The following CACNG4 variants were observed in gnomAD, a reference collection of about 807,000 sequenced individuals.
The protein encoded by CACNG4 is calcium voltage-gated channel auxiliary subunit gamma 4.
In CACNG4, 8 loss-of-function variants were observed where a neutral mutation model predicts 22.9. That is an observed-to-expected ratio of 0.35 (90% CI 0.21 to 0.63). The LOEUF (loss-of-function observed/expected upper bound fraction) is 0.63. CACNG4 is among the 30% of genes least tolerant of loss of function. The pLI, the probability that CACNG4 is intolerant of heterozygous loss-of-function variation, is 0.72. For missense variants in CACNG4, 357 were observed against 455.4 expected, an observed-to-expected ratio of 0.78 and a Z score of 1.97; for synonymous variants, 188 against 191.9, an observed-to-expected ratio of 0.98 and a Z score of 0.17.
intron 1 of CACNG4, among the ~76,000 whole-genome samples, chr17:66,965,486 G>C (rs2143262501): frequency 6.6e-6 from 1 of 150,958 alleles, no homozygotes; most frequent in East Asian, 2.0e-4. Context: ...CGATCCCCAG[G>C]GGCCGCGCCG....
chr17:66,995,802 A>G (rs2035370410), intron 1 of CACNG4, among the ~76,000 whole-genome samples: 1 of 152,054 alleles, frequency 6.6e-6, no homozygotes, highest in Non-Finnish European at 1.5e-5. Flanking sequence ...GTGAGCCAAG[A>G]TCGTGCCACT....
intron 1 of CACNG4, among the ~76,000 whole-genome samples, chr17:66,980,620 C>CT (rs67051865): frequency 0.02 from 2,123 of 106,974 alleles, 64 homozygotes; most frequent in South Asian, 0.061. Context: ...TGTGTAAATT[C>CT]TTTTTTTTTT....
chr17:67,017,386 G>T (rs1439870981), intron 1 of CACNG4, among the ~76,000 whole-genome samples: 1 of 151,864 alleles, frequency 6.6e-6, no homozygotes, highest in Non-Finnish European at 1.5e-5. Flanking sequence ...CATAACTATG[G>T]TTTAAGAGAG....
intron 1 of CACNG4, among the ~76,000 whole-genome samples, chr17:67,009,009 GA>G (rs939952641): frequency 6.6e-6 from 1 of 152,120 alleles, no homozygotes; most frequent in Non-Finnish European, 1.5e-5. Context: ...GGGCCCTTAT[GA>G]AAAGGGGAAC....
chr17:67,003,015 A>G (rs1476354372), intron 1 of CACNG4, among the ~76,000 whole-genome samples: 1 of 152,046 alleles, frequency 6.6e-6, no homozygotes, highest in Non-Finnish European at 1.5e-5. Flanking sequence ...TTATGGGTAT[A>G]TGTGGACAAG....
intron 1 of CACNG4, among the ~76,000 whole-genome samples, chr17:66,965,995 GGCGTGGTCATCTCGTCGGAGCTGGGCGCT>G (rs1314026422): frequency 6.6e-6 from 1 of 152,190 alleles, no homozygotes; most frequent in Non-Finnish European, 1.5e-5. Flanking sequence ...GACTGGGAGG[GGCGTGGTCATCTCGTCGGAGCTGGGCGCT>G]GCGACCCCCA....
chr17:67,013,082 C>T (rs531185855), intron 1 of CACNG4, among the ~76,000 whole-genome samples: 3 of 152,260 alleles, frequency 2.0e-5, no homozygotes, highest in Non-Finnish European at 2.9e-5. Flanking sequence ...CAGCTCACCC[C>T]GTTTGCCTGG....
intron 3 of CACNG4, among the ~76,000 whole-genome samples, chr17:67,025,545 C>T (rs1179537973): frequency 3.9e-5 from 6 of 152,316 alleles, no homozygotes; most frequent in South Asian, 2.1e-4. Context: ...GAAGAGTGAG[C>T]GGGGAAGCTC....
At chr17:67,004,751 C>T (rs2143331565) in intron 1 of CACNG4, among the ~76,000 whole-genome samples, 1 of 152,248 alleles carries the variant, frequency 6.6e-6, no homozygotes, top group African/African-American at 2.4e-5. Context: ...AAGACAGGGT[C>T]TCAGTCCTGT....
At chr17:67,017,823 T>C (rs2035508790) in intron 1 of CACNG4, among the ~76,000 whole-genome samples, 1 of 152,108 alleles carries the variant, frequency 6.6e-6, no homozygotes, top group Non-Finnish European at 1.5e-5. Flanking sequence ...GCCTGTTTTT[T>C]ATTTTTTTCA....
intron 1 of CACNG4, among the ~76,000 whole-genome samples, chr17:66,993,019 T>C (rs2035350832): frequency 6.6e-6 from 1 of 152,354 alleles, no homozygotes; most frequent in Admixed American, 6.5e-5. Flanking sequence ...GCGCTGTGTC[T>C]ACAGCAGCTG....
intron 1 of CACNG4, among the ~76,000 whole-genome samples, chr17:66,982,421 C>T (rs1277661920): frequency 6.6e-6 from 1 of 151,922 alleles, no homozygotes; most frequent in East Asian, 1.9e-4. Context: ...TACCAATTGG[C>T]GCATTTTACA....
At position 67,030,797 on chromosome 17, in the gene CACNG4, G is replaced by T. The variant is rs375384748; in HGVS notation, c.777G>T (p.Ser259=). 1 of 1,614,018 alleles carries T rather than the reference G, an allele frequency of 6.2e-7. No homozygotes were observed. The highest frequency in any genetic ancestry group is 1.1e-5 in the South Asian group (1 of 91,066). The change falls in exon 4 of 4, where the codon TCG becomes TCT. Residue 259 remains serine, a synonymous_variant. Coordinates refer to ENST00000262138, the MANE Select transcript of CACNG4 (RefSeq NM_014405.4). This position sits in a 1 kb window ranked among gnomAD's most constrained non-coding sequence, Gnocchi z 6.4. Reference sequence around the variant, plus strand: ...AGGCCTCGCCCTCCAGGGACGTGTCGCCCATGGGCCTGAAGATCACAGGGG... The same window carrying T: ...AGGCCTCGCCCTCCAGGGACGTGTCTCCCATGGGCCTGAAGATCACAGGGG... The part of the protein sequence containing the change: ...STEASPSRDV[S]PMGLKITGAI...
In CACNG4 at chr17:67,030,860, C is replaced by T. The variant is rs1296232587; in HGVS notation, c.840C>T (p.Ser280=). Residue 280 remains serine, a synonymous_variant, in exon 4 of 4, where the codon TCC becomes TCT. Transcript: ENST00000262138. This position sits in a 1 kb window ranked among gnomAD's most constrained non-coding sequence, Gnocchi z 6.4. ...GGGAGCTGTCCATGTACACGCTGTC[C>T]AGGGAGCCCCTCAAGGTGACCACCG... ...PMGELSMYTL[S]REPLKVTTAA... The T allele has an allele frequency of 6.2e-7, 1 of 1,613,330 alleles. No individual in the cohort carries two copies.
chr17:66,981,869 G>C (rs960679561), intron 1 of CACNG4, among the ~76,000 whole-genome samples: 18 of 152,258 alleles, frequency 1.2e-4, no homozygotes, highest in African/African-American at 4.3e-4. Flanking sequence ...TTTCACACTA[G>C]TTAATTACTT....
intron 1 of CACNG4, among the ~76,000 whole-genome samples, chr17:67,008,155 A>G (rs1181051770): frequency 6.6e-6 from 1 of 152,206 alleles, no homozygotes; most frequent in African/African-American, 2.4e-5. Flanking sequence ...CAATGAAGGA[A>G]CTGAAGGTCA....
chr17:67,008,399 G>A (rs12601725), intron 1 of CACNG4, among the ~76,000 whole-genome samples: 14,672 of 152,172 alleles, frequency 0.096, 1,274 homozygotes, highest in East Asian at 0.23. Context: ...TTGGCACTCG[G>A]TGTGGAAGTG....
At chr17:67,014,071 C>G (rs116289994) in intron 1 of CACNG4, among the ~76,000 whole-genome samples, 1 of 152,258 alleles carries the variant, frequency 6.6e-6, no homozygotes, top group African/African-American at 2.4e-5. Context: ...GGTCTCCTGG[C>G]CCTCAGGAAG....
In CACNG4 at chr17:66,965,067, C is replaced by T. The variant is rs755115903; in HGVS notation, c.156C>T (p.Pro52=). 2.5e-6 allele frequency: 4 copies of T among 1,591,100 alleles called. No homozygotes were observed. The highest frequency in any genetic ancestry group is 1.7e-6 in the Non-Finnish European group (2 of 1,169,084). ...NGTNLTMDDG[P]PPRRARGDLT... is the part of the protein sequence containing the mutation. ...CCAACCTGACCATGGACGACGGGCC[C>T]CCGCCCCGCCGCGCCCGCGGCGACC... The change falls in exon 1 of 4, where the codon CCC becomes CCT. Residue 52 remains proline (P), a synonymous_variant. Coordinates refer to ENST00000262138, the MANE Select transcript of CACNG4 (RefSeq NM_014405.4).
Sources: allele counts gnomAD v4.1 joint callset (sites outside exome capture counted in the v4.1 genomes callset), GRCh38; gene constraint gnomAD v4.1.1; non-coding constraint Gnocchi (gnomAD v3.1); transcripts MANE v1.5; gene names NCBI Gene and HGNC (gene_info 2026-07-23, HGNC 2026-07-21).